RSU1: variants seen among roughly 807,000 people sequenced by gnomAD.
RSU1 encodes the protein Ras suppressor protein 1.
In RSU1, 26 loss-of-function variants were observed where a neutral mutation model predicts 31.1. The observed-to-expected ratio is 0.84, with a 90% CI of 0.61 to 1.16. The LOEUF (loss-of-function observed/expected upper bound fraction) is 1.16, where lower values mean the gene tolerates loss of function less well. RSU1 is among the 50% of genes most tolerant of loss of function. The pLI is 0.00. For missense variants in RSU1, 320 were observed against 339.1 expected (o/e 0.94, Z 0.44); for synonymous variants, 164 against 136.3 (o/e 1.20, Z -1.41).
intron 8 of RSU1, among the ~76,000 whole-genome samples, chr10:16,600,998 T>A (rs945128618): frequency 1.3e-5 from 2 of 152,228 alleles, no homozygotes; most frequent in African/African-American, 4.8e-5. Context: ...TTCTTAAAAA[T>A]GTCCTCGCTT....
chr10:16,664,265 C>T (rs185595558), intron 8 of RSU1, among the ~76,000 whole-genome samples: 4 of 152,292 alleles, frequency 2.6e-5, no homozygotes, highest in Admixed American at 1.3e-4. Context: ...CATACCAAAA[C>T]GACCACTATC....
At chr10:16,699,901 C>A (rs1564322598) in intron 7 of RSU1, among the ~76,000 whole-genome samples, 1 of 152,200 alleles carries the variant, frequency 6.6e-6, no homozygotes. Context: ...TTATTACCTG[C>A]AAAACGACCA....
chr10:16,796,607 G>A (rs185905549), intron 2 of RSU1, among the ~76,000 whole-genome samples: 127 of 152,244 alleles, frequency 8.3e-4, no homozygotes, highest in African/African-American at 3.1e-3. Context: ...TTGTCAAACT[G>A]TTCATCACAA....
intron 8 of RSU1, among the ~76,000 whole-genome samples, chr10:16,647,661 G>A (rs1834596755): frequency 6.6e-6 from 1 of 152,162 alleles, no homozygotes. Flanking sequence ...TGGTTGCCAA[G>A]GGCTGGGGGA....
chr10:16,633,013 C>G (rs765569496), intron 8 of RSU1, among the ~76,000 whole-genome samples: 1 of 152,096 alleles, frequency 6.6e-6, no homozygotes, highest in Non-Finnish European at 1.5e-5. Flanking sequence ...ATTTATGGTA[C>G]CTTTAGACTA....
Position 16,790,612 on chromosome 10 carries a change from G to A in RSU1, c.110-8528C>T, listed in dbSNP as rs75108835. ...TATCTGAGCACAGAGATGAAAAACAGGGAAGGCATATGATAGGGTCTGGCT... is the reference window on the plus strand; with the variant it reads ...TATCTGAGCACAGAGATGAAAAACAAGGAAGGCATATGATAGGGTCTGGCT... On this transcript the variant is annotated intron_variant, in intron 2 of 8. Transcript: ENST00000345264. Among the ~76,000 whole-genome samples the A allele has an allele frequency of 4.4e-3, 668 of 152,250 alleles. 4 individuals are homozygous for A. Among genetic ancestry groups the A allele is most frequent in the East Asian group, 0.022 (116 of 5,180 alleles).
intron 4 of RSU1, among the ~76,000 whole-genome samples, chr10:16,760,756 A>G (rs1837196769): frequency 6.6e-6 from 1 of 151,718 alleles, no homozygotes; most frequent in East Asian, 1.9e-4. Flanking sequence ...CCCCACCTCC[A>G]CTGTCACTGT....
intron 8 of RSU1, among the ~76,000 whole-genome samples, chr10:16,652,194 G>GA (rs1834696263): frequency 6.6e-6 from 1 of 152,030 alleles, no homozygotes; most frequent in African/African-American, 2.4e-5. Context: ...GCATCACCTG[G>GA]AAATGAGGAA....
At chr10:16,695,235 G>T in intron 7 of RSU1, 80 bp from the exon 8 acceptor site, 2 of 1,370,760 alleles carry the variant, frequency 1.5e-6, no homozygotes, top group Non-Finnish European at 2.0e-6. Context: ...AGTAATCACA[G>T]CCTAAGTACC....
chr10:16,811,067 C>T (rs373618490), intron 2 of RSU1, among the ~76,000 whole-genome samples: 1 of 152,204 alleles, frequency 6.6e-6, no homozygotes, highest in East Asian at 1.9e-4. Context: ...AGCGGTCCCA[C>T]GAGATAACAA....
intron 2 of RSU1, among the ~76,000 whole-genome samples, chr10:16,808,485 G>GAAA (rs34449677): frequency 7.8e-5 from 7 of 89,602 alleles, no homozygotes; most frequent in Admixed American, 1.2e-4. Flanking sequence ...CTCCATTTAA[G>GAAA]AAAAAAAAAA....
At chr10:16,751,660 A>C (rs74125865) in intron 7 of RSU1, among the ~76,000 whole-genome samples, 1 of 152,314 alleles carries the variant, frequency 6.6e-6, no homozygotes, top group African/African-American at 2.4e-5. Flanking sequence ...ATTGCATTCT[A>C]ATTTCTAACA....
chr10:16,650,166 C>T (rs1452377134), intron 8 of RSU1, among the ~76,000 whole-genome samples: 2 of 152,212 alleles, frequency 1.3e-5, no homozygotes, highest in Admixed American at 1.3e-4. Context: ...CATGTCCATT[C>T]TGTAAAAGCT....
intron 2 of RSU1, among the ~76,000 whole-genome samples, chr10:16,806,232 CCA>C (rs1255610656): frequency 6.6e-6 from 1 of 152,068 alleles, no homozygotes; most frequent in Non-Finnish European, 1.5e-5. Flanking sequence ...AATCATTAGC[CCA>C]GACAGGACAG....
chr10:16,684,777 C>G (rs1424567757), intron 8 of RSU1, among the ~76,000 whole-genome samples: 1 of 152,078 alleles, frequency 6.6e-6, no homozygotes, highest in Admixed American at 6.5e-5. Context: ...AAGACAAAAT[C>G]AGCTGTCACC....
rs546160793 is a variant in RSU1 at position 16,758,952 on chromosome 10, G to A, written c.282-3963C>T. On this transcript the variant is annotated intron_variant, in intron 4 of 8. Transcript: ENST00000345264. ...TTGCATGGGAAGATTTTTCAAATGC[G>A]TGTTGGAAGTGGGCAAATGCCTGCA... 9.2e-5 allele frequency among the ~76,000 whole-genome samples: 14 copies of A among 152,300 alleles called. No homozygotes were observed. In the East Asian group the frequency reaches 1.2e-3, roughly 13 times the overall value.
At chr10:16,646,997 G>C (rs1158446230) in intron 8 of RSU1, among the ~76,000 whole-genome samples, 1 of 144,596 alleles carries the variant, frequency 6.9e-6, no homozygotes, top group African/African-American at 2.5e-5. Context: ...TTTTTTTTTT[G>C]AGATGGAGTC....
chr10:16,655,915 T>A (rs746552749), intron 8 of RSU1, among the ~76,000 whole-genome samples: 3 of 152,206 alleles, frequency 2.0e-5, no homozygotes, highest in Admixed American at 2.0e-4. Flanking sequence ...TACTGCTGTG[T>A]TCTGGAGCTG....
chr10:16,611,239 T>C (rs2131468058), intron 8 of RSU1, among the ~76,000 whole-genome samples: 1 of 152,280 alleles, frequency 6.6e-6, no homozygotes, highest in South Asian at 2.1e-4. Flanking sequence ...ACACTACGTC[T>C]AGCCTCTGGG....
Sources: gnomAD v4.1 joint callset for allele counts (sites outside exome capture counted in the v4.1 genomes callset) on GRCh38, gnomAD v4.1.1 for gene constraint, MANE v1.5 for transcripts, NCBI Gene and HGNC (gene_info 2026-07-23, HGNC 2026-07-21) for gene names.